The following AGBL4 variants were observed in gnomAD, a reference collection of about 807,000 sequenced individuals.
AGBL4 encodes cytosolic carboxypeptidase 6.
A neutral mutation model predicts 66.4 loss-of-function variants in AGBL4; 58 were observed. The observed-to-expected ratio is 0.87, with a 90% CI of 0.71 to 1.09. AGBL4 has a LOEUF of 1.09. Among genes scored for constraint, AGBL4 ranks in the 50% least tolerant of loss-of-function variants. AGBL4 has a pLI of 0.00. For missense variants in AGBL4, 579 were observed against 631.0 expected, an observed-to-expected ratio of 0.92 and a Z score of 0.88; for synonymous variants, 234 against 222.9, an observed-to-expected ratio of 1.05 and a Z score of -0.44.
At chr1:48,728,011 C>T (rs143256443) in intron 6 of AGBL4, 4 of 1,611,968 alleles carry the variant, frequency 2.5e-6, no homozygotes, top group Non-Finnish European at 3.4e-6. Flanking sequence ...GTTTCATCCA[C>T]AGTTTCTTGT....
intron 2 of AGBL4, among the ~76,000 whole-genome samples, chr1:49,751,606 G>A (rs12567030): frequency 5.3e-5 from 8 of 152,152 alleles, no homozygotes; most frequent in African/African-American, 1.9e-4. Context: ...AAATGAATTA[G>A]GGAGGAGTAC....
chr1:48,805,964 G>A (rs555756367), intron 6 of AGBL4, among the ~76,000 whole-genome samples: 1 of 152,244 alleles, frequency 6.6e-6, no homozygotes, highest in African/African-American at 2.4e-5. Flanking sequence ...ATTTGAATAA[G>A]TAATCTAATA....
At position 49,924,636 on chromosome 1, in the gene AGBL4, C is replaced by A. The variant is rs559887574; in HGVS notation, c.35-73118G>T. On this transcript the variant is annotated intron_variant, in intron 1 of 13. Transcript: ENST00000371839. ...TAAGTTTTATAGTGCTTGCTATATG[C>A]CAGGCATCATGCTAGTATTTCAATT... Among the ~76,000 whole-genome samples, 11 of 152,138 alleles carry A rather than the reference C, an allele frequency of 7.2e-5. No individual in the cohort carries two copies. In the South Asian group the frequency reaches 2.1e-3, roughly 29 times the overall value.
intron 6 of AGBL4, among the ~76,000 whole-genome samples, chr1:48,850,593 C>T (rs1456130167): frequency 6.6e-6 from 1 of 150,642 alleles, no homozygotes; most frequent in Non-Finnish European, 1.5e-5. Flanking sequence ...GGTGTGATCT[C>T]GGCTCACTGC....
intron 1 of AGBL4, among the ~76,000 whole-genome samples, chr1:49,946,306 G>C (rs1655200784): frequency 6.6e-6 from 1 of 151,936 alleles, no homozygotes; most frequent in Non-Finnish European, 1.5e-5. Flanking sequence ...CGATATGATA[G>C]CCTACAAAAC....
intron 4 of AGBL4, among the ~76,000 whole-genome samples, chr1:49,071,131 T>C (rs944742925): frequency 6.6e-6 from 1 of 151,946 alleles, no homozygotes; most frequent in Admixed American, 6.5e-5. Context: ...GATTATTCTC[T>C]CTTTTCTTCT....
intron 1 of AGBL4, chr1:49,996,292 C>G (rs1039814645): frequency 2.0e-5 from 3 of 151,924 alleles, no homozygotes; most frequent in Non-Finnish European, 4.4e-5. Flanking sequence ...AAGGCAAATA[C>G]CAACTTAATG....
intron 5 of AGBL4, among the ~76,000 whole-genome samples, chr1:48,926,186 T>C (rs1229345041): frequency 6.6e-6 from 1 of 152,178 alleles, no homozygotes; most frequent in African/African-American, 2.4e-5. Flanking sequence ...AGCAAGACGC[T>C]TGCAAGACTG....
At chr1:49,989,928 C>A (rs1659801509) in intron 1 of AGBL4, among the ~76,000 whole-genome samples, 1 of 152,074 alleles carries the variant, frequency 6.6e-6, no homozygotes, top group Non-Finnish European at 1.5e-5. Context: ...GGTGGGTATA[C>A]CTTCAATTAC....
chr1:48,590,091 A>G (rs1460299364), intron 10 of AGBL4, among the ~76,000 whole-genome samples: 1 of 152,104 alleles, frequency 6.6e-6, no homozygotes, highest in Non-Finnish European at 1.5e-5. Flanking sequence ...CTACAAAATA[A>G]ATAACTAAAT....
chr1:48,610,376 C>T (rs769403329), intron 9 of AGBL4, among the ~76,000 whole-genome samples: 4 of 152,148 alleles, frequency 2.6e-5, no homozygotes, highest in Non-Finnish European at 4.4e-5. Context: ...ATTTTTCAGG[C>T]ACTAGACAGT....
intron 1 of AGBL4, among the ~76,000 whole-genome samples, chr1:49,950,522 A>C (rs1656066630): frequency 6.6e-6 from 1 of 151,714 alleles, no homozygotes; most frequent in African/African-American, 2.4e-5. Flanking sequence ...TACTCATGTA[A>C]CCAGATACCA....
chr1:49,358,026 T>A (rs1248510608), intron 3 of AGBL4, among the ~76,000 whole-genome samples: 1 of 152,124 alleles, frequency 6.6e-6, no homozygotes, highest in Non-Finnish European at 1.5e-5. Flanking sequence ...GTACTCCAAT[T>A]ATGGCAGGCC....
intron 3 of AGBL4, among the ~76,000 whole-genome samples, chr1:49,362,365 T>C (rs1644155433): frequency 6.7e-6 from 1 of 149,698 alleles, no homozygotes. Flanking sequence ...TGTTCCCATA[T>C]ATTTCCAAGC....
chr1:49,388,459 C>T (rs1289343482), intron 3 of AGBL4, among the ~76,000 whole-genome samples: 1 of 152,120 alleles, frequency 6.6e-6, no homozygotes. Context: ...TTCATCTTCT[C>T]AGCAACCTAG....
intron 3 of AGBL4, among the ~76,000 whole-genome samples, chr1:49,280,714 C>T (rs114711907): frequency 1.9e-3 from 296 of 152,276 alleles, no homozygotes; most frequent in Middle Eastern, 3.4e-3. Flanking sequence ...CTACAGATAC[C>T]TGGCTGATTA....
At chr1:48,942,953 G>A (rs1179404630) in intron 5 of AGBL4, among the ~76,000 whole-genome samples, 1 of 152,148 alleles carries the variant, frequency 6.6e-6, no homozygotes. Flanking sequence ...TCCTACTAGT[G>A]AGCTGGATTT....
At chr1:48,816,535 G>A (rs1012956358) in intron 6 of AGBL4, among the ~76,000 whole-genome samples, 2 of 152,148 alleles carry the variant, frequency 1.3e-5, no homozygotes, top group African/African-American at 4.8e-5. Flanking sequence ...ACAAAGGCAA[G>A]AAACTTATCA....
chr1:49,446,085 C>T (rs1373650478), intron 3 of AGBL4, among the ~76,000 whole-genome samples: 1 of 152,110 alleles, frequency 6.6e-6, no homozygotes, highest in African/African-American at 2.4e-5. Flanking sequence ...CTCCTGACCT[C>T]AAATGATCTG....
Sources: allele counts gnomAD v4.1 joint callset (sites outside exome capture counted in the v4.1 genomes callset), GRCh38; gene constraint gnomAD v4.1.1; transcripts MANE v1.5; gene names NCBI Gene and HGNC (gene_info 2026-07-23, HGNC 2026-07-21).